The following FNDC3A variants were observed in gnomAD, a reference collection of about 807,000 sequenced individuals.
The protein encoded by FNDC3A is fibronectin type-III domain-containing protein 3A.
In FNDC3A, 32 loss-of-function variants were observed where a neutral mutation model predicts 148.9. That is an observed-to-expected ratio of 0.21 (90% confidence interval 0.16 to 0.29). FNDC3A has a LOEUF of 0.29. Among genes scored for constraint, FNDC3A ranks in the 10% least tolerant of loss-of-function variants. FNDC3A has a pLI of 1.00. For synonymous variants in FNDC3A, 472 were observed against 473.6 expected, an observed-to-expected ratio of 1.00 and a Z score of 0.04; for missense variants, 1,191 against 1,452.8, an observed-to-expected ratio of 0.82 and a Z score of 2.93.
At chr13:49,147,595 G>A (rs1329530754) in intron 8 of FNDC3A, among the ~76,000 whole-genome samples, 1 of 150,660 alleles carries the variant, frequency 6.6e-6, no homozygotes, top group Non-Finnish European at 1.5e-5. Context: ...ATATTCTGTT[G>A]TGTATATATA....
chr13:49,015,550 G>T (rs557465073), intron 2 of FNDC3A, among the ~76,000 whole-genome samples: 1 of 152,294 alleles, frequency 6.6e-6, no homozygotes, highest in African/African-American at 2.4e-5. Context: ...TGCAAACGGG[G>T]ACAATTTGAC....
intron 23 of FNDC3A, among the ~76,000 whole-genome samples, 175 bp from the exon 24 acceptor site, chr13:49,201,625 C>T (rs1886422106): frequency 6.6e-6 from 1 of 152,044 alleles, no homozygotes; most frequent in African/African-American, 2.4e-5. Flanking sequence ...TTTTCTTAAT[C>T]TGATGAAAAA....
At chr13:49,082,936 A>G (rs2137799329) in intron 3 of FNDC3A, among the ~76,000 whole-genome samples, 1 of 152,250 alleles carries the variant, frequency 6.6e-6, no homozygotes, top group South Asian at 2.1e-4. Context: ...TGAGGAGGCC[A>G]TCTGTGTGGA....
intron 3 of FNDC3A, among the ~76,000 whole-genome samples, chr13:49,081,524 G>A (rs1484577811): frequency 6.6e-6 from 1 of 152,164 alleles, no homozygotes; most frequent in African/African-American, 2.4e-5. Context: ...TGTAAATAGT[G>A]TGTGTCCGTG....
chr13:49,050,112 T>C, intron 2 of FNDC3A, among the ~76,000 whole-genome samples: 1 of 152,242 alleles, frequency 6.6e-6, no homozygotes, highest in East Asian at 1.9e-4. Flanking sequence ...TTATGTTTTG[T>C]ATTTTTTTTG....
intron 2 of FNDC3A, among the ~76,000 whole-genome samples, chr13:49,033,908 A>G (rs1874310086): frequency 6.6e-6 from 1 of 152,032 alleles, no homozygotes; most frequent in South Asian, 2.1e-4. Flanking sequence ...ATCAATAGTT[A>G]TAGATTAGTT....
chr13:49,000,730 G>A (rs2137586281), intron 1 of FNDC3A, among the ~76,000 whole-genome samples: 1 of 152,162 alleles, frequency 6.6e-6, no homozygotes. Context: ...GCATTTATTT[G>A]TGTTTTTAAT....
At chr13:49,075,077 C>CT (rs1269935347) in intron 2 of FNDC3A, among the ~76,000 whole-genome samples, 8 of 152,032 alleles carry the variant, frequency 5.3e-5, no homozygotes, top group Admixed American at 3.9e-4. Flanking sequence ...TCACTTTCTT[C>CT]TTTTTTTTAT....
At chr13:49,065,778 TG>T (rs959507715) in intron 2 of FNDC3A, among the ~76,000 whole-genome samples, 1 of 152,210 alleles carries the variant, frequency 6.6e-6, no homozygotes, top group Non-Finnish European at 1.5e-5. Context: ...TCATTTACAT[TG>T]TGTATTTCCA....
intron 2 of FNDC3A, among the ~76,000 whole-genome samples, chr13:49,018,611 C>T (rs1253590646): frequency 6.6e-6 from 1 of 152,298 alleles, no homozygotes; most frequent in African/African-American, 2.4e-5. Context: ...TCGTCAAAGT[C>T]ATTCTCTGTC....
At chr13:49,074,423 T>C (rs1223500837) in intron 2 of FNDC3A, among the ~76,000 whole-genome samples, 1 of 152,164 alleles carries the variant, frequency 6.6e-6, no homozygotes, top group Non-Finnish European at 1.5e-5. Context: ...CAAAATTCTG[T>C]GTTTGGGAAT....
At chr13:49,158,123 G>A (rs546180758) in intron 8 of FNDC3A, among the ~76,000 whole-genome samples, 76 of 152,288 alleles carry the variant, frequency 5.0e-4, no homozygotes, top group Non-Finnish European at 8.8e-4. Context: ...CCCCAGCCTC[G>A]CTGTCGCCTT....
chr13:49,106,773 C>CAAAAAAAAAAAAAAAAAAAAAACA (rs543962565), intron 3 of FNDC3A, among the ~76,000 whole-genome samples: 13 of 79,844 alleles, frequency 1.6e-4, no homozygotes, highest in Non-Finnish European at 2.5e-4. Context: ...TGAATGAAAG[C>CAAAAAAAAAAAAAAAAAAAAAACA]AAAAAAAAAA....
chr13:49,166,345 T>C (rs1453599099), intron 8 of FNDC3A, among the ~76,000 whole-genome samples: 5 of 152,328 alleles, frequency 3.3e-5, no homozygotes, highest in African/African-American at 1.2e-4. Flanking sequence ...GCTTTAGTCC[T>C]GAAAGCAGCA....
At chr13:48,986,726 A>G (rs1951812710) in intron 1 of FNDC3A, among the ~76,000 whole-genome samples, 1 of 152,086 alleles carries the variant, frequency 6.6e-6, no homozygotes, top group Non-Finnish European at 1.5e-5. Flanking sequence ...AAGTTGAAGG[A>G]AGATGAGTAT....
intron 14 of FNDC3A, among the ~76,000 whole-genome samples, chr13:49,185,171 A>G (rs1314533628): frequency 6.6e-6 from 1 of 152,186 alleles, no homozygotes; most frequent in Admixed American, 6.5e-5. Flanking sequence ...AAATGTAACA[A>G]TACAGGTATA....
At chr13:49,062,253 T>C (rs1035735438) in intron 2 of FNDC3A, among the ~76,000 whole-genome samples, 1 of 152,210 alleles carries the variant, frequency 6.6e-6, no homozygotes, top group African/African-American at 2.4e-5. Context: ...TTGGTGAATG[T>C]AGGTGAAGTT....
intron 2 of FNDC3A, among the ~76,000 whole-genome samples, chr13:49,073,756 TAA>T (rs1047552307): frequency 2.7e-5 from 4 of 146,430 alleles, no homozygotes; most frequent in African/African-American, 1.0e-4. Context: ...TGTGTATATA[TAA>T]TATATATGTA....
intron 4 of FNDC3A, among the ~76,000 whole-genome samples, chr13:49,129,385 A>G (rs1159839196): frequency 6.6e-6 from 1 of 152,246 alleles, no homozygotes; most frequent in Admixed American, 6.5e-5. Flanking sequence ...GTTTGGAACC[A>G]GGTTGAATGA....
Sources: allele counts gnomAD v4.1 joint callset (sites outside exome capture counted in the v4.1 genomes callset), GRCh38; gene constraint gnomAD v4.1.1; transcripts MANE v1.5; gene names NCBI Gene and HGNC (gene_info 2026-07-23, HGNC 2026-07-21).